Variants in SYAP1 observed in about 807,000 individuals in gnomAD.
SYAP1 encodes the protein synapse-associated protein 1.
Under a neutral mutation model 29.6 loss-of-function variants are expected in SYAP1, and 3 were observed. That is an observed-to-expected ratio of 0.10 (90% CI 0.05 to 0.26). SYAP1 has a LOEUF of 0.26. Ranked by LOEUF, SYAP1 falls within the 10% of genes least tolerant of loss-of-function variation. SYAP1 has a pLI of 1.00. For synonymous variants in SYAP1, 102 were observed against 102.7 expected (o/e 0.99, Z 0.04); for missense variants, 217 against 264.1 (o/e 0.82, Z 1.24).
At chrX:16,731,956 A>G in intron 1 of SYAP1, among the ~76,000 whole-genome samples, 1 of 111,585 alleles carries the variant, frequency 9.0e-6, no homozygotes, top group Non-Finnish European at 1.9e-5. Context: ...AAAAAAAATT[A>G]CACAGCAAAG....
intron 8 of SYAP1, among the ~76,000 whole-genome samples, chrX:16,758,066 T>C (rs972047318): frequency 8.1e-5 from 9 of 111,413 alleles, no homozygotes; most frequent in African/African-American, 2.9e-4. Context: ...CTTTTTGAGA[T>C]AGGGTCTCAC....
Position 16,760,552 on chromosome X carries a change from AAG to A in SYAP1, c.*197_*198del, listed in dbSNP as rs1369015580. ...AGAACAGTTACTTCTAATAATCAGA[AAG>A]AGATGTTTTATAGAACATTTCTTTA... On this transcript the variant is annotated 3_prime_UTR_variant, in exon 9 of 9. Coordinates refer to ENST00000380155, the MANE Select transcript of SYAP1 (RefSeq NM_032796.4). The A allele has an allele frequency of 1.0e-5, 3 of 286,022 alleles. No individual in the cohort carries two copies. The highest frequency in any genetic ancestry group is 1.6e-4 in the South Asian group (1 of 6,223). The allele number at this position is 286,022 out of a possible 1,213,427, so 23.6% of individuals were successfully genotyped here.
intron 6 of SYAP1, 110 bp downstream of exon 6, chrX:16,755,203 C>T: frequency 1.3e-6 from 1 of 794,819 alleles, no homozygotes; most frequent in South Asian, 2.8e-5. Context: ...GGGAAAAATT[C>T]TTTTCTTCCC....
intron 1 of SYAP1, among the ~76,000 whole-genome samples, chrX:16,732,095 A>G (rs1035894558): frequency 2.7e-5 from 3 of 112,460 alleles, no homozygotes; most frequent in African/African-American, 9.7e-5. Context: ...TATGCTGGCA[A>G]CTCCGAAGAC....
chrX:16,751,234 C>A (rs192747037), intron 5 of SYAP1, among the ~76,000 whole-genome samples: 2,771 of 107,995 alleles, frequency 0.026, 112 homozygotes, highest in African/African-American at 0.087. Flanking sequence ...GGGCAGATCA[C>A]GAGGTCAGGA....
intron 1 of SYAP1, 68 bp downstream of exon 1, chrX:16,719,967 C>A: frequency 1.0e-5 from 11 of 1,058,120 alleles, no homozygotes; most frequent in Non-Finnish European, 1.4e-5. Context: ...GGCCCTGGGG[C>A]GCGGGCCCGA....
chrX:16,719,955 A>G (rs1274060645), intron 1 of SYAP1, 56 bp downstream of exon 1: 27 of 1,122,575 alleles, frequency 2.4e-5, no homozygotes, highest in Non-Finnish European at 3.2e-5. Context: ...CTCCTCTGGG[A>G]CGGCCCTGGG....
chrX:16,732,079 A>G (rs1926219995), intron 1 of SYAP1, among the ~76,000 whole-genome samples: 1 of 112,647 alleles, frequency 8.9e-6, no homozygotes, highest in Non-Finnish European at 1.9e-5. Flanking sequence ...AATGTAAACA[A>G]AAATATATGC....
chrX:16,755,028 C>A lies in SYAP1; in HGVS notation c.659C>A (p.Ala220Asp). 1 of 1,211,529 alleles carries A rather than the reference C, an allele frequency of 8.3e-7. No individual in the cohort carries two copies. The highest frequency in any genetic ancestry group is 1.1e-6 in the Non-Finnish European group (1 of 895,157). ...TCAGCCCAGCTCACGGCCCTGGCTG[C>A]CCAACAGCAGGCCGCAGGGAAGGAG... The part of the protein sequence containing the change: ...KQSAQLTALA[A>D]QQQAAGKEEK... Residue 220 changes from alanine (A) to aspartate (D), a missense_variant, in exon 6 of 9, where the codon GCC becomes GAC. By Grantham distance (126) the Ala-to-Asp change is moderately radical (BLOSUM62 -2). Transcript: ENST00000380155.
intron 3 of SYAP1, among the ~76,000 whole-genome samples, chrX:16,739,800 G>C (rs1229817224): frequency 9.0e-6 from 1 of 111,591 alleles, no homozygotes; most frequent in Admixed American, 9.6e-5. Context: ...TTCACTTTGT[G>C]TTGCAAGACC....
In SYAP1 at chrX:16,743,859, A is replaced by G. The variant is rs1210711080; in HGVS notation, c.575+19A>G. The G allele has an allele frequency of 8.3e-7, 1 of 1,205,412 alleles. No individual in the cohort carries two copies. The highest frequency in any genetic ancestry group is 1.1e-6 in the Non-Finnish European group (1 of 891,610). On this transcript the variant is annotated intron_variant, in intron 5 of 8. Coordinates refer to ENST00000380155, the MANE Select transcript of SYAP1 (RefSeq NM_032796.4). ...CTAAACTGTAAGCAGAGTGTTCTCC[A>G]GCGTTTCCTCATGGCCTCCATTATG...
intron 6 of SYAP1, among the ~76,000 whole-genome samples, chrX:16,755,857 A>T (rs1926831596): frequency 8.9e-6 from 1 of 112,207 alleles, no homozygotes; most frequent in African/African-American, 3.2e-5. Flanking sequence ...TACTCATTAC[A>T]ACTGGACATT....
chrX:16,747,316 C>T (rs1238427879), intron 5 of SYAP1, among the ~76,000 whole-genome samples: 1 of 112,104 alleles, frequency 8.9e-6, no homozygotes, highest in Non-Finnish European at 1.9e-5. Flanking sequence ...GTGTGTGTTT[C>T]AAGCTCTTCC....
Position 16,760,517 on chromosome X carries a change from A to T in SYAP1, c.*158A>T. 2.4e-6 allele frequency: 1 copy of T among 424,509 alleles called. No individual in the cohort carries two copies. Among genetic ancestry groups the T allele is most frequent in the Non-Finnish European group, 3.7e-6 (1 of 272,495 alleles). 35.0% of individuals were successfully genotyped at this position (424,509 alleles called of 1,213,427 possible). A position where few individuals can be genotyped will look rare whatever the true frequency, so the allele number is the denominator to read the frequency against. Reference sequence around the variant, plus strand: ...TTGAAACTTGCCTCTTCTACTTTAAAAAAGTATATAGAACAGTTACTTCTA... The same window carrying T: ...TTGAAACTTGCCTCTTCTACTTTAATAAAGTATATAGAACAGTTACTTCTA... On this transcript the variant is annotated 3_prime_UTR_variant, in exon 9 of 9. Coordinates refer to ENST00000380155, the MANE Select transcript of SYAP1 (RefSeq NM_032796.4).
intron 3 of SYAP1, 31 bp from the exon 4 acceptor site, chrX:16,741,685 C>CT (rs767027783): frequency 2.7e-6 from 3 of 1,119,242 alleles, no homozygotes; most frequent in East Asian, 6.1e-5. Flanking sequence ...ATTTTTTTCT[C>CT]TTTTCTTCTT....
chrX:16,742,388 G>T (rs1489114507), intron 4 of SYAP1, among the ~76,000 whole-genome samples: 2 of 109,239 alleles, frequency 1.8e-5, no homozygotes, highest in Non-Finnish European at 3.8e-5. Flanking sequence ...CTGATCTCGT[G>T]ATCCACCCTC....
At chrX:16,748,848 G>A (rs903768744) in intron 5 of SYAP1, among the ~76,000 whole-genome samples, 3 of 106,549 alleles carry the variant, frequency 2.8e-5, no homozygotes, top group Non-Finnish European at 5.8e-5. Flanking sequence ...TCCACCTCCC[G>A]GGTTCTAGCG....
chrX:16,735,015 A>AC (rs1248568394), intron 1 of SYAP1, among the ~76,000 whole-genome samples: 13 of 105,695 alleles, frequency 1.2e-4, no homozygotes, highest in African/African-American at 4.2e-4. Context: ...AAAAAAAAAA[A>AC]AAAAAAACAA....
chrX:16,722,581 G>T (rs368947513), intron 1 of SYAP1, among the ~76,000 whole-genome samples: 13 of 109,219 alleles, frequency 1.2e-4, no homozygotes, highest in African/African-American at 4.3e-4. Flanking sequence ...GCATATATTT[G>T]TTGAGTGCCT....
Sources: allele counts gnomAD v4.1 joint callset (sites outside exome capture counted in the v4.1 genomes callset), GRCh38; gene constraint gnomAD v4.1.1; transcripts MANE v1.5; gene names NCBI Gene and HGNC (gene_info 2026-07-23, HGNC 2026-07-21).